The following INPP5A variants were observed in gnomAD, a reference collection of about 807,000 sequenced individuals.
The protein encoded by INPP5A is inositol polyphosphate-5-phosphatase A.
INPP5A carries 14 observed loss-of-function variants against 65.2 expected under a neutral mutation model. The ratio of observed to expected loss-of-function variants is 0.21; its 90% CI spans 0.14 to 0.34. The LOEUF is 0.34. INPP5A is among the 10% of genes least tolerant of loss of function. The pLI, the probability that INPP5A is intolerant of heterozygous loss-of-function variation, is 1.00. For missense variants in INPP5A, 431 were observed against 545.6 expected (o/e 0.79, Z 2.09); for synonymous variants, 207 against 208.3 (o/e 0.99, Z 0.05).
At chr10:132,602,291 C>T (rs1194984170) in intron 1 of INPP5A, among the ~76,000 whole-genome samples, 2 of 152,068 alleles carry the variant, frequency 1.3e-5, no homozygotes, top group African/African-American at 2.4e-5. Flanking sequence ...TATCCTGCCA[C>T]GTTGCTGAAT....
intron 12 of INPP5A, among the ~76,000 whole-genome samples, chr10:132,766,166 GTTC>G (rs1846841516): frequency 2.0e-5 from 3 of 152,310 alleles, no homozygotes; most frequent in East Asian, 1.9e-4. Context: ...GCACGTGTGT[GTTC>G]TTGTGTGCAT....
At chr10:132,539,778 C>T (rs1244478430) in intron 1 of INPP5A, among the ~76,000 whole-genome samples, 2 of 146,980 alleles carry the variant, frequency 1.4e-5, no homozygotes, top group African/African-American at 5.0e-5. Context: ...GTTTCCATTT[C>T]AGGAGGAGGT....
At chr10:132,723,843 C>T (rs541946838) in intron 8 of INPP5A, among the ~76,000 whole-genome samples, 1 of 152,192 alleles carries the variant, frequency 6.6e-6, no homozygotes, top group Admixed American at 6.5e-5. Context: ...GCACAGGGCC[C>T]TCTGTCTTCC....
intron 8 of INPP5A, among the ~76,000 whole-genome samples, chr10:132,722,499 A>G (rs1845902188): frequency 1.3e-5 from 2 of 152,156 alleles, no homozygotes; most frequent in Admixed American, 6.5e-5. Flanking sequence ...GGGGCCTCCC[A>G]CGGTGTCCCA....
At chr10:132,738,774 C>G (rs1172612212) in intron 9 of INPP5A, among the ~76,000 whole-genome samples, 1 of 152,216 alleles carries the variant, frequency 6.6e-6, no homozygotes, top group East Asian at 1.9e-4. Flanking sequence ...ACAATGAACA[C>G]AGAGAGGAGG....
At chr10:132,696,356 T>C (rs563986256) in intron 5 of INPP5A, among the ~76,000 whole-genome samples, 1 of 152,296 alleles carries the variant, frequency 6.6e-6, no homozygotes, top group Non-Finnish European at 1.5e-5. Flanking sequence ...ATACCCAGAA[T>C]AGCCCAGAGT....
chr10:132,712,578 G>A (rs1228674357), intron 8 of INPP5A, among the ~76,000 whole-genome samples: 1 of 151,830 alleles, frequency 6.6e-6, no homozygotes, highest in Non-Finnish European at 1.5e-5. Context: ...GTGGCTGCAT[G>A]TGAGTGCGGG....
intron 9 of INPP5A, among the ~76,000 whole-genome samples, chr10:132,729,467 G>A (rs950625416): frequency 2.6e-5 from 4 of 152,206 alleles, no homozygotes; most frequent in Admixed American, 6.5e-5. Flanking sequence ...TGGTGCCCTG[G>A]ACCCCGCCAG....
intron 1 of INPP5A, among the ~76,000 whole-genome samples, chr10:132,593,251 G>A (rs578202281): frequency 3.3e-5 from 5 of 152,236 alleles, no homozygotes; most frequent in East Asian, 3.9e-4. Flanking sequence ...CGTCTTCCCC[G>A]GTTCATAGGT....
At chr10:132,591,884 C>T (rs992669281) in intron 1 of INPP5A, among the ~76,000 whole-genome samples, 28 of 152,296 alleles carry the variant, frequency 1.8e-4, no homozygotes, top group Middle Eastern at 3.4e-3. Flanking sequence ...GGCGCCCTTG[C>T]TGTGTTTCCT....
chr10:132,579,777 T>C (rs1049110006), intron 1 of INPP5A, among the ~76,000 whole-genome samples: 4 of 151,868 alleles, frequency 2.6e-5, no homozygotes, highest in African/African-American at 9.7e-5. Context: ...GCCCGGAAGA[T>C]TGAGCAGGTT....
intron 1 of INPP5A, 112 bp from the exon 2 acceptor site, chr10:132,607,803 C>T (rs1038612403): frequency 1.4e-5 from 15 of 1,089,346 alleles, no homozygotes; most frequent in Admixed American, 5.5e-5. Flanking sequence ...GGGGTGGGCC[C>T]GGGCTGCGCC....
chr10:132,653,368 A>G (rs2072606107), intron 4 of INPP5A, among the ~76,000 whole-genome samples: 2 of 151,978 alleles, frequency 1.3e-5, no homozygotes, highest in South Asian at 4.2e-4. Flanking sequence ...GTGGGTCCGG[A>G]GCGGCCTGTG....
rs933345153 is a variant in INPP5A, at chr10:132,752,169, G to A, written c.903+2324G>A. On this transcript the variant is annotated intron_variant, in intron 11 of 15. Coordinates refer to ENST00000368594, the MANE Select transcript of INPP5A (RefSeq NM_005539.5). ...CCAGGAGGGAGACAGGGCTGCCGTC[G>A]TTTGGAGGAGGTGCTTTCAGGGTCC... 4.6e-5 allele frequency among the ~76,000 whole-genome samples: 7 copies of A among 152,094 alleles called. No individual in the cohort carries two copies. The East Asian group carries it at 7.8e-4, about 17-fold the overall frequency.
chr10:132,703,688 G>A (rs552776151), intron 6 of INPP5A, among the ~76,000 whole-genome samples: 6 of 41,254 alleles, frequency 1.5e-4, no homozygotes, highest in Admixed American at 1.1e-3. Context: ...CTTCACCCCC[G>A]CAGACACATG....
intron 1 of INPP5A, among the ~76,000 whole-genome samples, chr10:132,561,722 CCACACACACACA>C (rs35335535): frequency 4.6e-4 from 65 of 142,418 alleles, no homozygotes; most frequent in Admixed American, 1.3e-3. Flanking sequence ...TTGTCAATTT[CCACACACACACA>C]CACACACACA....
At position 132,707,874 on chromosome 10, in the gene INPP5A, A is replaced by G. The variant is rs1280546904; in HGVS notation, c.475-439A>G. Among the ~76,000 whole-genome samples, 1 of 152,122 alleles carries G rather than the reference A, an allele frequency of 6.6e-6. No homozygotes were observed. The highest frequency in any genetic ancestry group is 1.9e-4 in the East Asian group (1 of 5,186). On this transcript the variant is annotated intron_variant, in intron 6 of 15. Transcript: ENST00000368594. The surrounding 1 kb of genome is among the most constrained non-coding windows in gnomAD (Gnocchi z 5.5). ...TGGGGATCAGTGAGAGACCACACAC[A>G]CTGTTGGGGTGGGCAGGTCACCCAC...
At chr10:132,700,787 G>T (rs1381012459) in intron 6 of INPP5A, among the ~76,000 whole-genome samples, 1 of 152,200 alleles carries the variant, frequency 6.6e-6, no homozygotes, top group Non-Finnish European at 1.5e-5. Context: ...ACCTTGATGG[G>T]GGTATAATGC....
intron 1 of INPP5A, among the ~76,000 whole-genome samples, chr10:132,600,143 T>C (rs1161797317): frequency 6.6e-6 from 1 of 152,212 alleles, no homozygotes; most frequent in Non-Finnish European, 1.5e-5. Flanking sequence ...CCCCAGAAAA[T>C]AGGTTTTGCT....
Sources: gnomAD v4.1 joint callset for allele counts (sites outside exome capture counted in the v4.1 genomes callset) on GRCh38, gnomAD v4.1.1 for gene constraint, Gnocchi (gnomAD v3.1) non-coding constraint, MANE v1.5 for transcripts, NCBI Gene and HGNC (gene_info 2026-07-23, HGNC 2026-07-21) for gene names.